RHBDL2: variants seen among roughly 807,000 people sequenced by gnomAD.
RHBDL2 encodes the protein rhomboid-related protein 2.
A neutral mutation model predicts 31.7 loss-of-function variants in RHBDL2; 26 were observed. That is an observed-to-expected ratio of 0.82 (90% CI 0.60 to 1.14). The LOEUF is 1.14. Among genes scored for constraint, RHBDL2 ranks in the 50% most tolerant of loss-of-function variants. The pLI, the probability that RHBDL2 is intolerant of heterozygous loss-of-function variation, is 0.00. For missense variants in RHBDL2, 336 were observed against 364.4 expected (o/e 0.92, Z 0.63); for synonymous variants, 123 against 127.2 (o/e 0.97, Z 0.22).
chr1:38,922,779 C>A (rs1320198330), intron 1 of RHBDL2, among the ~76,000 whole-genome samples: 1 of 151,550 alleles, frequency 6.6e-6, no homozygotes, highest in Non-Finnish European at 1.5e-5. Context: ...GAAATATTAC[C>A]TATTAGATTG....
chr1:38,923,126 T>C (rs1643335151), intron 1 of RHBDL2, among the ~76,000 whole-genome samples: 1 of 151,966 alleles, frequency 6.6e-6, no homozygotes, highest in Non-Finnish European at 1.5e-5. Context: ...GAATATCCCA[T>C]ATTTATGAGG....
chr1:38,903,613 G>T (rs940035336), intron 4 of RHBDL2, among the ~76,000 whole-genome samples: 1 of 152,046 alleles, frequency 6.6e-6, no homozygotes, highest in African/African-American at 2.4e-5. Flanking sequence ...GTTCAACATG[G>T]GTTGGAAGAC....
chr1:38,898,361 T>C (rs892306253), intron 4 of RHBDL2, among the ~76,000 whole-genome samples: 1 of 152,176 alleles, frequency 6.6e-6, no homozygotes, highest in Non-Finnish European at 1.5e-5. Flanking sequence ...TGCTAACCTA[T>C]AGACTAGGGC....
chr1:38,886,542 C>T lies in RHBDL2; in HGVS notation c.874G>A (p.Ala292Thr). 1.3e-6 allele frequency: 2 copies of T among 1,596,574 alleles called. No homozygotes were observed. The highest frequency in any genetic ancestry group is 1.7e-6 in the Non-Finnish European group (2 of 1,169,648). ...IAAYLACVLF[A>T]VFFNIFLSPA... Reference sequence around the variant, plus strand: ...GATAGGAAAATGTTGAAAAACACAGCAAATAAGACACAAGCTAAATATGCA... The same window carrying T: ...GATAGGAAAATGTTGAAAAACACAGTAAATAAGACACAAGCTAAATATGCA... The change falls in exon 8 of 8, where the codon GCT becomes ACT. Residue 292 changes from alanine (A) to threonine (T), a missense_variant. Ala to Thr is a moderately conservative substitution (Grantham distance 58). Transcript: ENST00000372990.
At position 38,919,026 on chromosome 1, in the gene RHBDL2, A is replaced by G. The variant is rs749359169; in HGVS notation, c.187T>C (p.Leu63=). ...GGCGGGAAGCAGTTAGCTCTCTCCA[A>G]GTATGTTCCTCGGGACTTTTCGGGC... ...MLPEKSRGTY[L]ERANCFPPPV... is the part of the protein sequence containing the mutation. The change falls in exon 2 of 8, where the codon TTG becomes CTG. Residue 63 remains leucine (L), a synonymous_variant. Transcript: ENST00000372990. 3 of 1,614,098 alleles carry G rather than the reference A, an allele frequency of 1.9e-6. No homozygotes were observed. The highest frequency in any genetic ancestry group is 2.2e-5 in the South Asian group (2 of 91,078).
At chr1:38,917,005 T>C (rs1435985066) in intron 2 of RHBDL2, among the ~76,000 whole-genome samples, 1 of 149,710 alleles carries the variant, frequency 6.7e-6, no homozygotes, top group Admixed American at 6.7e-5. Flanking sequence ...GTGAGAGGCA[T>C]ACAGGAACTT....
intron 1 of RHBDL2, among the ~76,000 whole-genome samples, chr1:38,938,100 C>T (rs1259427638): frequency 6.6e-6 from 1 of 152,064 alleles, no homozygotes; most frequent in Admixed American, 6.6e-5. Context: ...TCACTACAAC[C>T]TCTGCCTCCT....
At chr1:38,929,614 A>C in intron 1 of RHBDL2, 1 of 1,264,460 alleles carries the variant, frequency 7.9e-7, no homozygotes. Flanking sequence ...ACCCGCCTTG[A>C]TGTGGCTGGG....
intron 1 of RHBDL2, among the ~76,000 whole-genome samples, chr1:38,932,984 C>T (rs9970708): frequency 0.96 from 146,415 of 152,272 alleles, 70,409 homozygotes; most frequent in African/African-American, 0.99. Flanking sequence ...CTCCCTCCAA[C>T]AATGAAGCAA....
At chr1:38,894,707 CTTTT>C (rs71057159) in intron 5 of RHBDL2, among the ~76,000 whole-genome samples, 2 of 114,190 alleles carry the variant, frequency 1.8e-5, no homozygotes, top group Non-Finnish European at 3.4e-5. Context: ...CTTTTTTTTT[CTTTT>C]TTTTTTTTTT....
intron 3 of RHBDL2, 79 bp from the exon 4 acceptor site, chr1:38,911,513 T>G: frequency 1.1e-6 from 1 of 929,896 alleles, no homozygotes. Context: ...CAGACTTTCA[T>G]GTGTTTTCTC....
chr1:38,925,819 A>C (rs552965077), intron 1 of RHBDL2: 2 of 403,622 alleles, frequency 5.0e-6, no homozygotes, highest in Non-Finnish European at 7.8e-6. Context: ...TAATCACTGC[A>C]TGCAAACTAC....
At chr1:38,893,080 G>T (rs1642874262) in intron 6 of RHBDL2, 84 bp downstream of exon 6, 2 of 822,270 alleles carry the variant, frequency 2.4e-6, no homozygotes, top group East Asian at 2.6e-5. Context: ...GCAATCCTGT[G>T]ATTCCCAAAT....
chr1:38,937,688 A>G (rs1444727512), intron 1 of RHBDL2, among the ~76,000 whole-genome samples: 1 of 151,780 alleles, frequency 6.6e-6, no homozygotes, highest in Non-Finnish European at 1.5e-5. Flanking sequence ...GCTCTCTGGC[A>G]TAAGAAAGCA....
At chr1:38,924,782 C>CTT (rs111244874) in intron 1 of RHBDL2, among the ~76,000 whole-genome samples, 11,377 of 125,728 alleles carry the variant, frequency 0.09, 574 homozygotes, top group South Asian at 0.12. Flanking sequence ...TTTCTTTTTT[C>CTT]TTTTTTTTTT....
At chr1:38,891,765 C>T (rs1164405032) in intron 6 of RHBDL2, among the ~76,000 whole-genome samples, 1 of 152,178 alleles carries the variant, frequency 6.6e-6, no homozygotes, top group Non-Finnish European at 1.5e-5. Flanking sequence ...TGCCTCTGTT[C>T]CTGTAATGGG....
chr1:38,936,060 A>G (rs1643504895), intron 1 of RHBDL2, among the ~76,000 whole-genome samples: 1 of 151,736 alleles, frequency 6.6e-6, no homozygotes, highest in South Asian at 2.1e-4. Context: ...CCACAGGCAC[A>G]TGCCACCACG....
At chr1:38,926,045 G>A (rs1024649070) in intron 1 of RHBDL2, 6 of 1,253,444 alleles carry the variant, frequency 4.8e-6, no homozygotes, top group South Asian at 2.6e-5. Flanking sequence ...AGTTTTCTTG[G>A]GGAATTTATC....
chr1:38,921,830 G>A (rs1336969471), intron 1 of RHBDL2, among the ~76,000 whole-genome samples: 1 of 152,036 alleles, frequency 6.6e-6, no homozygotes, highest in Non-Finnish European at 1.5e-5. Context: ...AAACTACAAT[G>A]TGGATTTAAG....
Sources: allele counts gnomAD v4.1 joint callset (sites outside exome capture counted in the v4.1 genomes callset), GRCh38; gene constraint gnomAD v4.1.1; transcripts MANE v1.5; gene names NCBI Gene and HGNC (gene_info 2026-07-23, HGNC 2026-07-21).